DYRK1A: variants seen among roughly 807,000 people sequenced by gnomAD.
DYRK1A encodes dual specificity tyrosine phosphorylation regulated kinase 1A, also known as dual specificity tyrosine-phosphorylation-regulated kinase 1A.
A neutral mutation model predicts 79.7 loss-of-function variants in DYRK1A; 9 were observed. That is an observed-to-expected ratio of 0.11 (90% CI 0.07 to 0.20). The LOEUF (loss-of-function observed/expected upper bound fraction) is 0.20. Ranked by LOEUF, DYRK1A falls within the 10% of genes least tolerant of loss-of-function variation. The probability of loss-of-function intolerance (pLI) is 1.00; values close to 1 mark genes in which losing one functional copy is unlikely to be tolerated. For missense variants in DYRK1A, 622 were observed against 956.0 expected (o/e 0.65, Z 4.61); for synonymous variants, 349 against 329.7 (o/e 1.06, Z -0.63).
chr21:37,468,897 G>T (rs2052124996), intron 2 of DYRK1A, among the ~76,000 whole-genome samples: 1 of 152,146 alleles, frequency 6.6e-6, no homozygotes, highest in South Asian at 2.1e-4. Flanking sequence ...GGGTGACAAG[G>T]CAAGCTGCCT....
intron 2 of DYRK1A, among the ~76,000 whole-genome samples, chr21:37,445,856 C>A (rs2051252994): frequency 6.6e-6 from 1 of 152,162 alleles, no homozygotes; most frequent in South Asian, 2.1e-4. Flanking sequence ...TCTTAACATT[C>A]TTACTGGCAG....
chr21:37,407,155 T>A (rs1602421774), intron 1 of DYRK1A, among the ~76,000 whole-genome samples: 1 of 152,188 alleles, frequency 6.6e-6, no homozygotes, highest in Admixed American at 6.5e-5. Flanking sequence ...TGTTTGGGAG[T>A]ACAACTGTTT....
chr21:37,416,799 T>G (rs978321728), intron 1 of DYRK1A, among the ~76,000 whole-genome samples: 2 of 152,146 alleles, frequency 1.3e-5, no homozygotes, highest in Non-Finnish European at 2.9e-5. Context: ...GATCCCAGTG[T>G]GCACTGTATT....
chr21:37,437,666 G>A (rs1047070331), intron 2 of DYRK1A, among the ~76,000 whole-genome samples: 1 of 152,138 alleles, frequency 6.6e-6, no homozygotes, highest in Non-Finnish European at 1.5e-5. Context: ...AGAGTCATAT[G>A]TGTTGTGATA....
chr21:37,456,778 C>T (rs1437374972), intron 2 of DYRK1A, among the ~76,000 whole-genome samples: 31 of 152,128 alleles, frequency 2.0e-4, no homozygotes, highest in Non-Finnish European at 1.5e-5. Flanking sequence ...CAATGCAATA[C>T]ATGCTGGAAT....
At chr21:37,413,877 C>G (rs751175640) in intron 1 of DYRK1A, among the ~76,000 whole-genome samples, 1 of 152,102 alleles carries the variant, frequency 6.6e-6, no homozygotes, top group Non-Finnish European at 1.5e-5. Flanking sequence ...CTTCATACCA[C>G]TTTGCTCTTA....
intron 1 of DYRK1A, among the ~76,000 whole-genome samples, chr21:37,413,998 C>T (rs1258933487): frequency 1.3e-5 from 2 of 152,076 alleles, no homozygotes; most frequent in East Asian, 3.9e-4. Context: ...AATGCATTTA[C>T]GTCTTTGCAG....
At chr21:37,401,049 C>A (rs150199513) in intron 1 of DYRK1A, among the ~76,000 whole-genome samples, 1 of 151,744 alleles carries the variant, frequency 6.6e-6, no homozygotes, top group African/African-American at 2.4e-5. Context: ...GAGGCTGAGG[C>A]GGGAGAATTG....
intron 5 of DYRK1A, among the ~76,000 whole-genome samples, chr21:37,484,281 C>A (rs993882156): frequency 6.6e-6 from 1 of 151,954 alleles, no homozygotes; most frequent in Admixed American, 6.5e-5. Context: ...GTGCTACCTC[C>A]GCCATGAAAA....
intron 1 of DYRK1A, among the ~76,000 whole-genome samples, chr21:37,398,393 G>A (rs1323049452): frequency 1.3e-5 from 2 of 151,210 alleles, no homozygotes; most frequent in African/African-American, 2.4e-5. Flanking sequence ...GGTATTACAA[G>A]TTGTTTGGCA....
At chr21:37,496,076 C>A in intron 8 of DYRK1A, 42 bp from the exon 9 acceptor site, 1 of 1,577,856 alleles carries the variant, frequency 6.3e-7, no homozygotes, top group African/African-American at 1.4e-5. Flanking sequence ...AGTAGATGTA[C>A]AGTAGAAATT....
At chr21:37,371,615 T>C (rs1602347540) in intron 1 of DYRK1A, among the ~76,000 whole-genome samples, 1 of 152,374 alleles carries the variant, frequency 6.6e-6, no homozygotes, top group South Asian at 2.1e-4. Flanking sequence ...TATTTAAAAG[T>C]TTGTATTACT....
At chr21:37,494,373 A>G (rs1474970036) in intron 8 of DYRK1A, among the ~76,000 whole-genome samples, 1 of 152,102 alleles carries the variant, frequency 6.6e-6, no homozygotes, top group Non-Finnish European at 1.5e-5. Context: ...AGTAACCCAC[A>G]GATTCCTACT....
chr21:37,389,427 A>G (rs1402685926), intron 1 of DYRK1A, among the ~76,000 whole-genome samples: 1 of 152,106 alleles, frequency 6.6e-6, no homozygotes, highest in Non-Finnish European at 1.5e-5. Context: ...TGGCCTCTCA[A>G]AGTGCTTGGA....
chr21:37,523,463 AAGAG>A lies in DYRK1A; in HGVS notation c.*10936_*10939del, dbSNP rs2053948630. 1 of 152,032 alleles carries A rather than the reference AAGAG, an allele frequency of 6.6e-6. No individual in the cohort carries two copies. Among genetic ancestry groups the A allele is most frequent in the Non-Finnish European group, 1.5e-5 (1 of 68,038 alleles). The allele number at this position is 152,032 out of a possible 1,614,324, so 9.4% of individuals were successfully genotyped here. ...TAGGGTTGTAAATGGAAGAAAAAATAAGAGAGATTCATTATGTTCTAATGACTAT... is the reference window on the plus strand; with the variant it reads ...TAGGGTTGTAAATGGAAGAAAAAATAAGATTCATTATGTTCTAATGACTAT... On this transcript the variant is annotated 3_prime_UTR_variant, in exon 12 of 12. Coordinates refer to ENST00000647188, the MANE Select transcript of DYRK1A (RefSeq NM_001347721.2).
At chr21:37,461,373 T>G (rs574708120) in intron 2 of DYRK1A, among the ~76,000 whole-genome samples, 8 of 152,354 alleles carry the variant, frequency 5.3e-5, no homozygotes, top group African/African-American at 1.2e-4. Flanking sequence ...TTATATGTAA[T>G]AAACTCCACA....
intron 1 of DYRK1A, among the ~76,000 whole-genome samples, chr21:37,375,420 G>C (rs2049517398): frequency 6.7e-6 from 1 of 149,726 alleles, no homozygotes; most frequent in African/African-American, 2.5e-5. Flanking sequence ...TAGGTTGCTT[G>C]TAATTTTCAC....
At chr21:37,431,040 C>A (rs12482362) in intron 2 of DYRK1A, among the ~76,000 whole-genome samples, 11,439 of 152,134 alleles carry the variant, frequency 0.075, 628 homozygotes, top group Non-Finnish European at 0.11. Context: ...CCTTTTCTTG[C>A]AGAAAACTGA....
chr21:37,505,185 C>T (rs2053557043), intron 9 of DYRK1A, 98 bp from the exon 10 acceptor site: 1 of 952,448 alleles, frequency 1.0e-6, no homozygotes. Context: ...TTAATAAAGG[C>T]CTCAACATAT....
Sources: allele counts gnomAD v4.1 joint callset (sites outside exome capture counted in the v4.1 genomes callset), GRCh38; gene constraint gnomAD v4.1.1; transcripts MANE v1.5; gene names NCBI Gene and HGNC (gene_info 2026-07-23, HGNC 2026-07-21).